The following C12orf54 variants were observed in gnomAD, a reference collection of about 807,000 sequenced individuals.
The protein encoded by C12orf54 is chromosome 12 open reading frame 54.
C12orf54 carries 24 observed loss-of-function variants against 26.4 expected under a neutral mutation model. That is an observed-to-expected ratio of 0.91 (90% CI 0.66 to 1.28). C12orf54 has a LOEUF of 1.28. Among genes scored for constraint, C12orf54 ranks in the 50% most tolerant of loss-of-function variants. The pLI, the probability that C12orf54 is intolerant of heterozygous loss-of-function variation, is 0.00. For missense variants in C12orf54, 154 were observed against 150.9 expected (o/e 1.02, Z -0.11); for synonymous variants, 54 against 47.0 (o/e 1.15, Z -0.61).
At chr12:48,473,204 T>C in the C12orf54 span, 15 of 1,308,504 alleles carry the variant, frequency 1.1e-5, no homozygotes, top group South Asian at 1.1e-4. Context: ...AGGAGTATGA[T>C]GAAGATGCTC....
At chr12:48,459,555 TAAAAA>T in the C12orf54 span, among the ~76,000 whole-genome samples, 1 of 151,742 alleles carries the variant, frequency 6.6e-6, no homozygotes, top group Non-Finnish European at 1.5e-5. Context: ...GTCATGTGAG[TAAAAA>T]AATAGAACTT....
chr12:48,457,643 G>A, the C12orf54 span, among the ~76,000 whole-genome samples: 1 of 152,092 alleles, frequency 6.6e-6, no homozygotes, highest in East Asian at 1.9e-4. Context: ...AAATTGTTCT[G>A]ATGGTGTTTG....
At chr12:48,467,471 G>A in the C12orf54 span, among the ~76,000 whole-genome samples, 2 of 152,134 alleles carry the variant, frequency 1.3e-5, no homozygotes, top group South Asian at 4.1e-4. Context: ...TGAATGAAAT[G>A]AATGCTGTAC....
chr12:48,481,621 T>G (rs1954200084), upstream of C12orf54, among the ~76,000 whole-genome samples: 2 of 152,166 alleles, frequency 1.3e-5, no homozygotes, highest in African/African-American at 4.8e-5. Flanking sequence ...CCTCCATCTG[T>G]TGTACATACC....
upstream of C12orf54, among the ~76,000 whole-genome samples, chr12:48,478,034 T>A (rs373021752): frequency 2.0e-5 from 3 of 152,110 alleles, no homozygotes; most frequent in Admixed American, 6.6e-5. Context: ...CAGCACATCA[T>A]AAAGCTTATC....
chr12:48,449,808 C>T, the C12orf54 span, among the ~76,000 whole-genome samples: 168 of 151,846 alleles, frequency 1.1e-3, no homozygotes, highest in African/African-American at 3.6e-3. Context: ...TGTGTCCCCA[C>T]CCAAATCTCA....
chr12:48,455,904 C>T, the C12orf54 span, among the ~76,000 whole-genome samples: 7 of 152,138 alleles, frequency 4.6e-5, no homozygotes, highest in Non-Finnish European at 8.8e-5. Context: ...ATAGTAACTA[C>T]TCAGTGAATT....
At chr12:48,475,896 C>A in the C12orf54 span, among the ~76,000 whole-genome samples, 1 of 151,178 alleles carries the variant, frequency 6.6e-6, no homozygotes, top group Non-Finnish European at 1.5e-5. Flanking sequence ...ATACAGAGAA[C>A]GCCACAAAGA....
upstream of C12orf54, among the ~76,000 whole-genome samples, chr12:48,481,563 C>T (rs933996554): frequency 5.3e-5 from 8 of 152,104 alleles, no homozygotes; most frequent in African/African-American, 1.9e-4. Context: ...GTATGCCTTT[C>T]CTTTAAAGTC....
chr12:48,486,689 A>G lies in C12orf54; in HGVS notation c.98A>G (p.Glu33Gly), dbSNP rs764645425. 3.1e-6 allele frequency: 5 copies of G among 1,612,334 alleles called. No individual in the cohort carries two copies. In the Admixed American group the frequency reaches 6.7e-5, roughly 21 times the overall value. ...AACATTTGTTCCTTATTTCTACAGG[A>G]AAAACAGGTAACCATCACTGAAACC... ...TSIEETMRPQEKQVTITETLW... is the reference protein window; with the variant it reads ...TSIEETMRPQGKQVTITETLW... Residue 33 changes from glutamate to glycine, a missense_variant and splice_region_variant, in exon 4 of 9, where the codon GAA (glutamate) becomes GGA (glycine). Glu to Gly is a moderately conservative substitution (Grantham distance 98). Transcript: ENST00000548364.
chr12:48,445,440 A>T, the C12orf54 span, among the ~76,000 whole-genome samples: 1 of 152,236 alleles, frequency 6.6e-6, no homozygotes, highest in African/African-American at 2.4e-5. Flanking sequence ...ATTATAGGGG[A>T]TATCCATAAT....
chr12:48,460,888 A>G, the C12orf54 span, among the ~76,000 whole-genome samples: 1 of 152,084 alleles, frequency 6.6e-6, no homozygotes, highest in Admixed American at 6.6e-5. Flanking sequence ...AAGAATAGCT[A>G]AGACAAATAG....
upstream of C12orf54, among the ~76,000 whole-genome samples, chr12:48,479,610 T>A (rs1954178292): frequency 6.6e-6 from 1 of 151,818 alleles, no homozygotes. Context: ...TTTGTTTTTT[T>A]TTTTCATACA....
At chr12:48,471,243 C>A in the C12orf54 span, among the ~76,000 whole-genome samples, 5 of 152,194 alleles carry the variant, frequency 3.3e-5, no homozygotes, top group Middle Eastern at 3.4e-3. Context: ...TAATAAACTC[C>A]AGTTCCATTC....
At chr12:48,428,397 A>G in the C12orf54 span, among the ~76,000 whole-genome samples, 1 of 152,094 alleles carries the variant, frequency 6.6e-6, no homozygotes, top group African/African-American at 2.4e-5. Context: ...CTTTGAAAAG[A>G]TAAATAAAAG....
At chr12:48,452,319 T>C in the C12orf54 span, among the ~76,000 whole-genome samples, 1 of 152,104 alleles carries the variant, frequency 6.6e-6, no homozygotes, top group Non-Finnish European at 1.5e-5. Context: ...CCTCACCCCA[T>C]ATGCAAAAAT....
At chr12:48,449,653 A>G in the C12orf54 span, among the ~76,000 whole-genome samples, 1 of 152,220 alleles carries the variant, frequency 6.6e-6, no homozygotes, top group African/African-American at 2.4e-5. Context: ...GACCTTTATA[A>G]TAAATAAGAG....
At chr12:48,433,647 C>T in the C12orf54 span, among the ~76,000 whole-genome samples, 2 of 152,158 alleles carry the variant, frequency 1.3e-5, no homozygotes, top group Admixed American at 6.5e-5. Flanking sequence ...CGGGGTTTCA[C>T]CATGTTAGCC....
At chr12:48,432,547 C>A in the C12orf54 span, among the ~76,000 whole-genome samples, 1 of 152,174 alleles carries the variant, frequency 6.6e-6, no homozygotes, top group Non-Finnish European at 1.5e-5. Context: ...GTCCTGGCTG[C>A]TGCATGAACT....
Sources: gnomAD v4.1 joint callset for allele counts (sites outside exome capture counted in the v4.1 genomes callset) on GRCh38, gnomAD v4.1.1 for gene constraint, MANE v1.5 for transcripts, NCBI Gene and HGNC (gene_info 2026-07-23, HGNC 2026-07-21) for gene names.